Variants in AUTS2 observed in about 807,000 individuals in gnomAD.
AUTS2 encodes the protein activator of transcription and developmental regulator AUTS2, also known as autism susceptibility gene 2 protein.
AUTS2 carries 17 observed loss-of-function variants against 112.4 expected under a neutral mutation model. That is an observed-to-expected ratio of 0.15 (90% CI 0.10 to 0.23). AUTS2 has a LOEUF of 0.23. Ranked by LOEUF, AUTS2 falls within the 10% of genes least tolerant of loss-of-function variation. The probability of loss-of-function intolerance (pLI) is 1.00; values close to 1 mark genes in which losing one functional copy is unlikely to be tolerated. For missense variants in AUTS2, 1,510 were observed against 1,701.6 expected (o/e 0.89, Z 1.98); for synonymous variants, 751 against 702.7 (o/e 1.07, Z -1.09).
At chr7:69,918,757 C>G (rs2129542602) in intron 2 of AUTS2, among the ~76,000 whole-genome samples, 1 of 152,270 alleles carries the variant, frequency 6.6e-6, no homozygotes, top group South Asian at 2.1e-4. Flanking sequence ...AGTCAAGGCA[C>G]AAAGCAAGGA....
intron 4 of AUTS2, among the ~76,000 whole-genome samples, chr7:70,218,458 A>T (rs71549347): frequency 0.015 from 2,210 of 152,230 alleles, 18 homozygotes; most frequent in Middle Eastern, 0.024. Flanking sequence ...GATGGCTCTG[A>T]AGGTATGCAC....
At chr7:70,061,021 T>C (rs1802221404) in intron 2 of AUTS2, among the ~76,000 whole-genome samples, 1 of 152,216 alleles carries the variant, frequency 6.6e-6, no homozygotes. Flanking sequence ...CTCTATGCCT[T>C]ATTTATTTTC....
chr7:70,245,132 AAGT>A (rs1253343726), intron 4 of AUTS2, among the ~76,000 whole-genome samples: 1,462 of 98,620 alleles, frequency 0.015, 18 homozygotes, highest in Admixed American at 0.045. Flanking sequence ...AAAAAAAAAA[AAGT>A]GTGTGTGTGT....
intron 4 of AUTS2, among the ~76,000 whole-genome samples, chr7:70,389,014 A>G (rs939799913): frequency 7.9e-5 from 12 of 152,330 alleles, no homozygotes; most frequent in Admixed American, 7.2e-4. Flanking sequence ...AAGCTGGCCA[A>G]CCAGGTAGAG....
intron 2 of AUTS2, among the ~76,000 whole-genome samples, chr7:70,072,484 G>T (rs1045890437): frequency 2.0e-5 from 3 of 152,188 alleles, no homozygotes; most frequent in Non-Finnish European, 4.4e-5. Context: ...GCCAGGCTTG[G>T]TTCAAGCCTT....
At chr7:70,484,050 A>C (rs1040965823) in intron 5 of AUTS2, among the ~76,000 whole-genome samples, 7 of 152,316 alleles carry the variant, frequency 4.6e-5, no homozygotes, top group African/African-American at 1.7e-4. Flanking sequence ...ATTATTATGG[A>C]AGTAAGATTT....
intron 2 of AUTS2, among the ~76,000 whole-genome samples, chr7:70,055,259 A>G (rs1801940961): frequency 6.6e-6 from 1 of 152,120 alleles, no homozygotes; most frequent in African/African-American, 2.4e-5. Flanking sequence ...ACATGGAGAA[A>G]CCTCATCTCT....
chr7:70,328,973 A>G (rs567168588), intron 4 of AUTS2, among the ~76,000 whole-genome samples: 1 of 152,250 alleles, frequency 6.6e-6, no homozygotes, highest in East Asian at 1.9e-4. Context: ...CTTAGTCCCC[A>G]GTAAACCTCT....
intron 2 of AUTS2, among the ~76,000 whole-genome samples, chr7:70,006,892 T>A (rs1584566033): frequency 6.6e-6 from 1 of 152,218 alleles, no homozygotes; most frequent in Non-Finnish European, 1.5e-5. Context: ...TTGTGGGGAG[T>A]ACCTTTGCTT....
intron 2 of AUTS2, among the ~76,000 whole-genome samples, chr7:69,994,849 G>A (rs778864956): frequency 1.4e-4 from 22 of 152,106 alleles, no homozygotes; most frequent in Non-Finnish European, 2.6e-4. Flanking sequence ...CTTGTGAGAG[G>A]TGTTTAAACT....
At chr7:70,214,201 G>A (rs766039864) in intron 4 of AUTS2, among the ~76,000 whole-genome samples, 21 of 152,178 alleles carry the variant, frequency 1.4e-4, no homozygotes, top group Non-Finnish European at 2.8e-4. Flanking sequence ...AATTAGGCAA[G>A]TTTATTGACT....
At chr7:70,207,708 T>C (rs1449501707) in intron 4 of AUTS2, among the ~76,000 whole-genome samples, 1 of 152,100 alleles carries the variant, frequency 6.6e-6, no homozygotes, top group African/African-American at 2.4e-5. Flanking sequence ...GCCTGGAATA[T>C]ATGATCTATT....
intron 1 of AUTS2, among the ~76,000 whole-genome samples, chr7:69,802,632 A>G (rs1434109790): frequency 2.0e-5 from 3 of 152,218 alleles, no homozygotes; most frequent in African/African-American, 7.2e-5. Context: ...ACCTTAGAGT[A>G]CTGGCTCATA....
At chr7:70,233,705 G>C (rs1448061724) in intron 4 of AUTS2, among the ~76,000 whole-genome samples, 1 of 151,922 alleles carries the variant, frequency 6.6e-6, no homozygotes, top group Admixed American at 6.5e-5. Flanking sequence ...CTTCTTTTTT[G>C]ATGCTAACAT....
intron 5 of AUTS2, among the ~76,000 whole-genome samples, chr7:70,549,731 G>A (rs1800940578): frequency 6.6e-6 from 1 of 152,152 alleles, no homozygotes; most frequent in African/African-American, 2.4e-5. Flanking sequence ...ATTGACTCAG[G>A]TTTCACAGTG....
chr7:70,380,524 G>A (rs903059667), intron 4 of AUTS2, among the ~76,000 whole-genome samples: 1 of 152,170 alleles, frequency 6.6e-6, no homozygotes, highest in African/African-American at 2.4e-5. Flanking sequence ...TCAGGGGAGG[G>A]CTCCCAGTCC....
intron 2 of AUTS2, among the ~76,000 whole-genome samples, chr7:69,945,280 T>G (rs192405211): frequency 1.6e-3 from 237 of 152,326 alleles, no homozygotes; most frequent in Non-Finnish European, 2.7e-3. Context: ...TCCCTAACTC[T>G]AGGCAACCAC....
intron 4 of AUTS2, among the ~76,000 whole-genome samples, chr7:70,416,076 G>C (rs1434497584): frequency 6.6e-6 from 1 of 152,076 alleles, no homozygotes; most frequent in African/African-American, 2.4e-5. Flanking sequence ...GTTATTGTAA[G>C]GTTTTAGTTT....
intron 1 of AUTS2, among the ~76,000 whole-genome samples, chr7:69,610,774 C>T (rs1583934839): frequency 6.6e-6 from 1 of 152,230 alleles, no homozygotes; most frequent in South Asian, 2.1e-4. Context: ...CATATCTGTT[C>T]CATTGGGGAG....
Sources: allele counts gnomAD v4.1 joint callset (sites outside exome capture counted in the v4.1 genomes callset), GRCh38; gene constraint gnomAD v4.1.1; transcripts MANE v1.5; gene names NCBI Gene and HGNC (gene_info 2026-07-23, HGNC 2026-07-21).